The following MTUS2 variants were observed in gnomAD, a reference collection of about 807,000 sequenced individuals.
MTUS2 encodes the protein microtubule-associated tumor suppressor candidate 2.
In MTUS2, 40 loss-of-function variants were observed where a neutral mutation model predicts 114.1. That is an observed-to-expected ratio of 0.35 (90% confidence interval 0.27 to 0.46). The LOEUF (loss-of-function observed/expected upper bound fraction) is 0.46. MTUS2 is among the 20% of genes least tolerant of loss of function. MTUS2 has a pLI of 1.00. For synonymous variants in MTUS2, 688 were observed against 672.0 expected, an observed-to-expected ratio of 1.02 and a Z score of -0.37; for missense variants, 1,679 against 1,705.4, an observed-to-expected ratio of 0.98 and a Z score of 0.27.
intron 4 of MTUS2, among the ~76,000 whole-genome samples, chr13:29,059,023 A>G (rs1257266830): frequency 6.6e-6 from 1 of 152,026 alleles, no homozygotes; most frequent in East Asian, 1.9e-4. Context: ...AATCTTGACA[A>G]TCTTCGTTCC....
In MTUS2 at chr13:29,185,686, A is replaced by G. The variant is rs536644732; in HGVS notation, c.2644+84716A>G. Among the ~76,000 whole-genome samples the G allele has an allele frequency of 2.6e-5, 4 of 152,340 alleles. No homozygotes were observed. The South Asian group carries it at 6.2e-4, about 24-fold the overall frequency. On this transcript the variant is annotated intron_variant, in intron 5 of 15. Coordinates refer to ENST00000612955, the MANE Select transcript of MTUS2 (RefSeq NM_001033602.4). ...ATCAATCAAGAATTCTATATCCAGCAAAGCCATCCTTTAATAATGAAGGAG... is the reference window on the plus strand; with the variant it reads ...ATCAATCAAGAATTCTATATCCAGCGAAGCCATCCTTTAATAATGAAGGAG...
intron 8 of MTUS2, among the ~76,000 whole-genome samples, chr13:29,401,265 A>C (rs1874322601): frequency 6.6e-6 from 1 of 152,172 alleles, no homozygotes; most frequent in Admixed American, 6.5e-5. Context: ...AGGCCTCCCA[A>C]AGTGCTGGGA....
intron 4 of MTUS2, among the ~76,000 whole-genome samples, chr13:29,087,684 G>A (rs68138670): frequency 0.063 from 9,639 of 152,238 alleles, 334 homozygotes; most frequent in Non-Finnish European, 0.081. Flanking sequence ...AATGAGTTAG[G>A]AAGGAGTCCT....
chr13:29,232,821 G>C (rs553104353), intron 5 of MTUS2, among the ~76,000 whole-genome samples: 1 of 152,314 alleles, frequency 6.6e-6, no homozygotes, highest in Admixed American at 6.5e-5. Flanking sequence ...ACAACATGGA[G>C]CATTAGCTAT....
chr13:28,947,771 A>G (rs1372269071), intron 2 of MTUS2, among the ~76,000 whole-genome samples: 1 of 152,184 alleles, frequency 6.6e-6, no homozygotes, highest in Non-Finnish European at 1.5e-5. Flanking sequence ...TTTTTAGTCT[A>G]ATTTTAATTT....
chr13:29,145,388 T>C (rs9578076), intron 5 of MTUS2, among the ~76,000 whole-genome samples: 60,784 of 151,336 alleles, frequency 0.4, 13,828 homozygotes, highest in Non-Finnish European at 0.47. Flanking sequence ...GGCATGTTGG[T>C]GGGCACCTGT....
chr13:28,940,100 A>G (rs1882144306), intron 2 of MTUS2, among the ~76,000 whole-genome samples: 1 of 152,178 alleles, frequency 6.6e-6, no homozygotes, highest in African/African-American at 2.4e-5. Context: ...TCAAGATGAG[A>G]TTTGGGTGAG....
At chr13:28,951,308 ATAT>A (rs1165754775) in intron 2 of MTUS2, among the ~76,000 whole-genome samples, 2 of 152,226 alleles carry the variant, frequency 1.3e-5, no homozygotes, top group Non-Finnish European at 2.9e-5. Context: ...CATCTTAGTA[ATAT>A]TAAGTTTTCC....
chr13:28,988,143 A>T (rs1164274883), intron 2 of MTUS2, among the ~76,000 whole-genome samples: 1 of 152,246 alleles, frequency 6.6e-6, no homozygotes, highest in Non-Finnish European at 1.5e-5. Context: ...AGGAAGAAAC[A>T]GCATAAGAAT....
At chr13:29,301,669 A>G (rs1481883573) in intron 6 of MTUS2, among the ~76,000 whole-genome samples, 2 of 152,196 alleles carry the variant, frequency 1.3e-5, no homozygotes, top group African/African-American at 4.8e-5. Flanking sequence ...TGAATTCCTC[A>G]TTGGAAAAAG....
chr13:28,994,472 G>A (rs147753411), intron 2 of MTUS2, among the ~76,000 whole-genome samples: 2,683 of 152,214 alleles, frequency 0.018, 79 homozygotes, highest in African/African-American at 0.06. Flanking sequence ...CTGAGGAATC[G>A]CCACACCGAC....
intron 6 of MTUS2, among the ~76,000 whole-genome samples, chr13:29,312,016 T>G (rs73437916): frequency 6.6e-6 from 1 of 152,068 alleles, no homozygotes; most frequent in Non-Finnish European, 1.5e-5. Flanking sequence ...GTCCCTTCAC[T>G]CCGGTACCTT....
intron 5 of MTUS2, among the ~76,000 whole-genome samples, chr13:29,229,157 C>G (rs1387422603): frequency 6.6e-6 from 1 of 152,000 alleles, no homozygotes; most frequent in East Asian, 1.9e-4. Context: ...GCTCCCCTGT[C>G]TTTCATGCAT....
chr13:28,851,250 A>G (rs1374195833), intron 2 of MTUS2, among the ~76,000 whole-genome samples: 4 of 152,242 alleles, frequency 2.6e-5, no homozygotes, highest in Admixed American at 6.5e-5. Context: ...TAACATTCAC[A>G]TAATTCAAAT....
chr13:28,908,559 G>T (rs1397374109), intron 2 of MTUS2, among the ~76,000 whole-genome samples: 1 of 151,404 alleles, frequency 6.6e-6, no homozygotes, highest in African/African-American at 2.4e-5. Context: ...CATTTGGGTT[G>T]GTTCCAAGTC....
intron 5 of MTUS2, among the ~76,000 whole-genome samples, chr13:29,147,871 G>C (rs1187513122): frequency 6.6e-6 from 1 of 152,124 alleles, no homozygotes; most frequent in Non-Finnish European, 1.5e-5. Context: ...CCATGTCTTT[G>C]CTATTGTGAA....
At chr13:28,842,539 T>C (rs1875579982) in intron 2 of MTUS2, among the ~76,000 whole-genome samples, 4 of 152,220 alleles carry the variant, frequency 2.6e-5, no homozygotes, top group Admixed American at 2.6e-4. Flanking sequence ...AACAGAATGA[T>C]AGGTTTGATG....
chr13:29,215,984 C>G (rs1469366316), intron 5 of MTUS2, among the ~76,000 whole-genome samples: 2 of 152,230 alleles, frequency 1.3e-5, no homozygotes, highest in African/African-American at 4.8e-5. Flanking sequence ...CATAGCCGTC[C>G]TCTTCCCCCA....
At chr13:28,852,077 CAG>C (rs936563784) in intron 2 of MTUS2, among the ~76,000 whole-genome samples, 3 of 152,156 alleles carry the variant, frequency 2.0e-5, no homozygotes, top group African/African-American at 7.2e-5. Context: ...TTTCCTGTCT[CAG>C]GGGTTGCACT....
Sources: allele counts gnomAD v4.1 joint callset (sites outside exome capture counted in the v4.1 genomes callset), GRCh38; gene constraint gnomAD v4.1.1; transcripts MANE v1.5; gene names NCBI Gene and HGNC (gene_info 2026-07-23, HGNC 2026-07-21).